The following ADGRV1 variants were observed in gnomAD, a reference collection of about 807,000 sequenced individuals.
The protein encoded by ADGRV1 is G-protein coupled receptor 98.
A neutral mutation model predicts 596.2 loss-of-function variants in ADGRV1; 359 were observed. The ratio of observed to expected loss-of-function variants is 0.60; its 90% CI spans 0.55 to 0.66. The LOEUF (loss-of-function observed/expected upper bound fraction) is 0.66. Among genes scored for constraint, ADGRV1 ranks in the 30% least tolerant of loss-of-function variants. The pLI, the probability that ADGRV1 is intolerant of heterozygous loss-of-function variation, is 0.00. For missense variants in ADGRV1, 7,274 were observed against 7,575.6 expected (o/e 0.96, Z 1.48); for synonymous variants, 2,681 against 2,679.2 (o/e 1.00, Z -0.02).
intron 11 of ADGRV1, among the ~76,000 whole-genome samples, chr5:90,642,165 A>G (rs553648317): frequency 2.0e-5 from 3 of 152,276 alleles, no homozygotes; most frequent in Admixed American, 1.3e-4. Context: ...TTATCCAGCT[A>G]TTATGTGCTC....
intron 55 of ADGRV1, among the ~76,000 whole-genome samples, chr5:90,755,972 T>C (rs1323096339): frequency 6.6e-6 from 1 of 151,206 alleles, no homozygotes; most frequent in African/African-American, 2.4e-5. Context: ...AATGAGGGTT[T>C]TCCCCCCCTT....
intron 42 of ADGRV1, among the ~76,000 whole-genome samples, chr5:90,713,636 T>C (rs1561578355): frequency 6.6e-6 from 1 of 152,168 alleles, no homozygotes. Flanking sequence ...CTCTTTTCTT[T>C]GCCTTTTGGA....
chr5:90,684,360 A>AT (rs1561521837), intron 28 of ADGRV1, among the ~76,000 whole-genome samples, 165 bp downstream of exon 28: 1 of 152,128 alleles, frequency 6.6e-6, no homozygotes, highest in Non-Finnish European at 1.5e-5. Flanking sequence ...AGCCAGACAC[A>AT]TTTTTTTCTT....
At chr5:90,754,131 G>C (rs1251859027) in intron 54 of ADGRV1, among the ~76,000 whole-genome samples, 1 of 151,986 alleles carries the variant, frequency 6.6e-6, no homozygotes, top group Non-Finnish European at 1.5e-5. Context: ...TCATTCATCT[G>C]TTCTCTTTCT....
At chr5:90,597,941 A>C (rs1456584865) in intron 1 of ADGRV1, among the ~76,000 whole-genome samples, 1 of 152,206 alleles carries the variant, frequency 6.6e-6, no homozygotes, top group Non-Finnish European at 1.5e-5. Flanking sequence ...GAACTATTAC[A>C]AAAGTTTAAG....
chr5:90,681,150 T>A (rs1405922202), intron 26 of ADGRV1, among the ~76,000 whole-genome samples, 165 bp from the exon 27 acceptor site: 1 of 152,232 alleles, frequency 6.6e-6, no homozygotes, highest in Non-Finnish European at 1.5e-5. Context: ...AAAGCATGAA[T>A]ATGTGTGGCA....
chr5:90,725,002 A>AT lies in ADGRV1; in HGVS notation c.9906+20dup. The AT allele has an allele frequency of 1.9e-6, 3 of 1,576,224 alleles. No homozygotes were observed. The highest frequency in any genetic ancestry group is 1.2e-5 in the South Asian group (1 of 84,164). On this transcript the variant is annotated intron_variant, in intron 46 of 89. Coordinates refer to ENST00000405460, the MANE Select transcript of ADGRV1 (RefSeq NM_032119.4). ...TATTCCAGTTGAGGTAAACATCAGTATTTTTTTATAGTACAAAAATAAAAT... is the reference window on the plus strand; with the variant it reads ...TATTCCAGTTGAGGTAAACATCAGTATTTTTTTTATAGTACAAAAATAAAAT...
chr5:90,705,427 T>A lies in ADGRV1; in HGVS notation c.8414T>A (p.Leu2805His). Residue 2805 changes from leucine to histidine, a missense_variant, in exon 37 of 90, where the codon CTT becomes CAT. Transcript: ENST00000405460. ...GTTCCACCAGCCGGAATCGCCCTGC[T>A]TGATGCTCAAGGATATGCAGCTGTC... is the stretch of plus-strand genomic sequence containing the variant. ...QGVPPAGIALLDAQGYAAVLT... is the reference protein window; with the variant it reads ...QGVPPAGIALHDAQGYAAVLT... The A allele has an allele frequency of 6.2e-7, 1 of 1,613,890 alleles. No homozygotes were observed. Among genetic ancestry groups the A allele is most frequent in the Non-Finnish European group, 8.5e-7 (1 of 1,179,798 alleles).
intron 11 of ADGRV1, among the ~76,000 whole-genome samples, chr5:90,638,489 A>G (rs11742871): frequency 3.3e-3 from 508 of 152,014 alleles, no homozygotes; most frequent in Middle Eastern, 6.8e-3. Context: ...AATCAACAGC[A>G]TTTCTCAGTG....
chr5:90,918,763 AC>A (rs1369420191), intron 83 of ADGRV1, among the ~76,000 whole-genome samples: 1 of 152,164 alleles, frequency 6.6e-6, no homozygotes, highest in African/African-American at 2.4e-5. Context: ...GATTATTTAA[AC>A]CATTATTTTA....
At chr5:90,562,886 T>C (rs952904571) in intron 1 of ADGRV1, among the ~76,000 whole-genome samples, 1 of 152,212 alleles carries the variant, frequency 6.6e-6, no homozygotes, top group Non-Finnish European at 1.5e-5. Context: ...AGATTATGTT[T>C]TCTGGTTATT....
intron 45 of ADGRV1, among the ~76,000 whole-genome samples, chr5:90,721,576 T>TATAAA (rs1554094715): frequency 0.34 from 40,839 of 119,736 alleles, 9,897 homozygotes; most frequent in East Asian, 0.48. Context: ...TAAAATAAAA[T>TATAAA]AAAATAAAAT....
chr5:90,651,604 G>T lies in ADGRV1; in HGVS notation c.3290G>T (p.Gly1097Val). 1 of 1,521,810 alleles carries T rather than the reference G, an allele frequency of 6.6e-7. No individual in the cohort carries two copies. Among genetic ancestry groups the T allele is most frequent in the Non-Finnish European group, 9.0e-7 (1 of 1,116,012 alleles). The allele number at this position is 1,521,810 out of a possible 1,614,324, so 94.3% of individuals were successfully genotyped here. The change falls in exon 18 of 90, where the codon GGT becomes GTT. Residue 1097 changes from glycine to valine, a missense_variant and splice_region_variant. By Grantham distance (109) the Gly-to-Val change is moderately radical. Coordinates refer to ENST00000405460, the MANE Select transcript of ADGRV1 (RefSeq NM_032119.4). ...PFYIILLNST[G>V]DTVVYQYGVA... Reference sequence around the variant, plus strand: ...TTTGTCTTTTCCACTTTTAATTTAGGTGATACAGTAGTATATCAATATGGA... The same window carrying T: ...TTTGTCTTTTCCACTTTTAATTTAGTTGATACAGTAGTATATCAATATGGA...
intron 57 of ADGRV1, among the ~76,000 whole-genome samples, chr5:90,758,370 A>G (rs1352343743): frequency 5.3e-5 from 8 of 152,208 alleles, no homozygotes; most frequent in Non-Finnish European, 8.8e-5. Flanking sequence ...ATGCAAGTCA[A>G]TGAGATTCTT....
At chr5:90,703,529 C>T in intron 34 of ADGRV1, 136 bp from the exon 35 acceptor site, 1 of 586,382 alleles carries the variant, frequency 1.7e-6, no homozygotes, top group Non-Finnish European at 2.9e-6. Context: ...CTAGAAAATT[C>T]AAAACAAAAC....
rs373391623 is a variant in ADGRV1, at chr5:90,805,341, G to T, written c.14719G>T (p.Val4907Phe). Residue 4907 changes from valine (V) to phenylalanine (F), a missense_variant, in exon 72 of 90, where the codon GTT becomes TTT. Coordinates refer to ENST00000405460, the MANE Select transcript of ADGRV1 (RefSeq NM_032119.4). The part of the protein sequence containing the change: ...LMNITAGTSH[V>F]MISRRGTYGA... ...GAACATCACTGCTGGCACAAGCCACGTTATGATTTCTAGGAGAGGCACATA... is the reference window on the plus strand; with the variant it reads ...GAACATCACTGCTGGCACAAGCCACTTTATGATTTCTAGGAGAGGCACATA... 75 of 1,612,314 alleles carry T rather than the reference G, an allele frequency of 4.7e-5. No individual in the cohort carries two copies. The highest frequency in any genetic ancestry group is 6.4e-5 in the Non-Finnish European group (75 of 1,178,814).
chr5:91,083,130 G>A (rs1479899451), intron 86 of ADGRV1, among the ~76,000 whole-genome samples: 1 of 151,904 alleles, frequency 6.6e-6, no homozygotes, highest in Non-Finnish European at 1.5e-5. Flanking sequence ...TCTCAGCAAA[G>A]TGTCGCAAGG....
At chr5:90,879,646 TTTTAA>T (rs1769566282) in intron 83 of ADGRV1, among the ~76,000 whole-genome samples, 1 of 152,146 alleles carries the variant, frequency 6.6e-6, no homozygotes, top group African/African-American at 2.4e-5. Flanking sequence ...TAATTTAAAA[TTTTAA>T]TTTAAATTAT....
intron 83 of ADGRV1, among the ~76,000 whole-genome samples, chr5:90,869,829 T>C (rs1213972855): frequency 6.6e-6 from 1 of 152,196 alleles, no homozygotes; most frequent in Non-Finnish European, 1.5e-5. Flanking sequence ...ATAAAGAGTT[T>C]AATTACTTGC....
Sources: gnomAD v4.1 joint callset for allele counts (sites outside exome capture counted in the v4.1 genomes callset) on GRCh38, gnomAD v4.1.1 for gene constraint, MANE v1.5 for transcripts, NCBI Gene and HGNC (gene_info 2026-07-23, HGNC 2026-07-21) for gene names.